Variants in DIDO1 observed in about 807,000 individuals in gnomAD.
DIDO1 encodes the protein death-inducer obliterator 1.
DIDO1 carries 16 observed loss-of-function variants against 99.4 expected under a neutral mutation model. That is an observed-to-expected ratio of 0.16 (90% CI 0.11 to 0.24). DIDO1 has a LOEUF of 0.24. Ranked by LOEUF, DIDO1 falls within the 10% of genes least tolerant of loss-of-function variation. The probability of loss-of-function intolerance (pLI) is 1.00; values close to 1 mark genes in which losing one functional copy is unlikely to be tolerated. For synonymous variants in DIDO1, 1,366 were observed against 1,239.1 expected, an observed-to-expected ratio of 1.10 and a Z score of -2.15; for missense variants, 2,996 against 3,014.0, an observed-to-expected ratio of 0.99 and a Z score of 0.14.
chr20:62,917,838 A>G (rs774582725), intron 1 of DIDO1, among the ~76,000 whole-genome samples: 40 of 152,248 alleles, frequency 2.6e-4, no homozygotes, highest in Non-Finnish European at 5.0e-4. Flanking sequence ...GCAAATGTCA[A>G]ACTCACCAGA....
In DIDO1 at chr20:62,911,405, G is replaced by A. The variant is rs2064937157; in HGVS notation, c.208C>T (p.Arg70Cys). The change falls in exon 3 of 16, where the codon CGC becomes TGC. Residue 70 changes from arginine (R) to cysteine (C), a missense_variant. Around this residue, in one of 5 missense-constraint regions of DIDO1, gnomAD observed 388 missense variants for 376.6 expected, o/e 1.03. Transcript: ENST00000395343. This position sits in a 1 kb window ranked among gnomAD's most constrained non-coding sequence, Gnocchi z 7.0. ...AGGAACTGCTCCACGCGCTCAGTGC[G>A]CTTGGGCTGCCTCCCACTGCGCCGC... ...SLRRSGRQPK[R>C]TERVEQFLTI... 1.2e-6 allele frequency: 2 copies of A among 1,611,410 alleles called. No individual in the cohort carries two copies. Among genetic ancestry groups the A allele is most frequent in the Admixed American group, 1.7e-5 (1 of 59,902 alleles).
rs778922740 is a variant in DIDO1 at position 62,892,940 on chromosome 20, G to C, written c.3124C>G (p.Pro1042Ala). The change falls in exon 13 of 16, where the codon CCA (proline) becomes GCA (alanine). Residue 1042 changes from proline to alanine, a missense_variant. By Grantham distance (27) the Pro-to-Ala change is conservative. Coordinates refer to ENST00000395343, the MANE Select transcript of DIDO1 (RefSeq NM_001193369.2). ...AAAAAGAGGGTCGTGTCTCCCTCTG[G>C]AGGGGAACGTGATTCTGAAGTGCTG... ...NISTSESRSP[P>A]EGDTTLFLSR... The C allele has an allele frequency of 1.9e-5, 31 of 1,613,102 alleles. No individual in the cohort carries two copies. The highest frequency in any genetic ancestry group is 2.5e-5 in the Non-Finnish European group (30 of 1,179,366).
chr20:62,907,412 T>G, intron 4 of DIDO1, 53 bp from the exon 5 acceptor site: 1 of 1,566,382 alleles, frequency 6.4e-7, no homozygotes, highest in Non-Finnish European at 8.7e-7. Context: ...TTTTAAGCAG[T>G]TAAGTGTGTG....
chr20:62,892,979 T>TAA lies in DIDO1; in HGVS notation c.3102-19_3102-18dup. ...TCTGAAGTGCTGTAAAACAAAACCA[T>TAA]AAAAAAAAAGTCAATGTCTCTCTGT... On this transcript the variant is annotated splice_polypyrimidine_tract_variant and intron_variant, in intron 12 of 15. Transcript: ENST00000395343. 1 of 1,563,756 alleles carries TAA rather than the reference T, an allele frequency of 6.4e-7. No individual in the cohort carries two copies. The highest frequency in any genetic ancestry group is 8.7e-7 in the Non-Finnish European group (1 of 1,153,196).
intron 1 of DIDO1, among the ~76,000 whole-genome samples, chr20:62,936,003 C>T (rs759160837): frequency 6.6e-5 from 10 of 152,236 alleles, no homozygotes; most frequent in Admixed American, 5.9e-4. Context: ...GGAGCATTAA[C>T]CTGTGACCCA....
At chr20:62,891,215 A>T (rs557377053) in intron 14 of DIDO1, 60 bp from the exon 15 acceptor site, 5 of 1,606,190 alleles carry the variant, frequency 3.1e-6, no homozygotes, top group Non-Finnish European at 4.3e-6. Context: ...TCACACGCCC[A>T]ATTCACATCC....
chr20:62,910,314 G>C (rs2064901769), intron 3 of DIDO1, among the ~76,000 whole-genome samples: 1 of 152,190 alleles, frequency 6.6e-6, no homozygotes, highest in Non-Finnish European at 1.5e-5. Context: ...CAAGCCAACA[G>C]GCTGCCTATC....
At position 62,883,363 on chromosome 20, in the gene DIDO1, T is replaced by C. The variant is rs574984190; in HGVS notation, c.3542-949A>G. On this transcript the variant is annotated intron_variant, in intron 15 of 15. Coordinates refer to ENST00000395343, the MANE Select transcript of DIDO1 (RefSeq NM_001193369.2). Reference sequence around the variant, plus strand: ...TAGTCTCTGGTGTCAGAATTACAACTAGACAGGAAAAACAGCATTAAATGA... The same window carrying C: ...TAGTCTCTGGTGTCAGAATTACAACCAGACAGGAAAAACAGCATTAAATGA... Among the ~76,000 whole-genome samples the C allele has an allele frequency of 2.0e-5, 3 of 152,310 alleles. No individual in the cohort carries two copies. The East Asian group carries it at 5.8e-4, about 29-fold the overall frequency.
rs766051423 is a variant in DIDO1 at position 62,880,819 on chromosome 20, T to C, written c.5137A>G (p.Ser1713Gly). Residue 1713 changes from serine (S) to glycine (G), a missense_variant, in exon 16 of 16, where the codon AGC (serine) becomes GGC (glycine). Around this residue, in one of 5 missense-constraint regions of DIDO1, gnomAD observed 1,562 missense variants for 1,412.6 expected, o/e 1.11. Transcript: ENST00000395343. The part of the protein sequence containing the change: ...PRNLHSAGRS[S>G]SPAGETEGDR... Reference sequence around the variant, plus strand: ...CCCTCTGTTTCACCTGCAGGGCTGCTGCTCCTTCCAGCAGAATGAAGATTT... The same window carrying C: ...CCCTCTGTTTCACCTGCAGGGCTGCCGCTCCTTCCAGCAGAATGAAGATTT... 1.2e-6 allele frequency: 2 copies of C among 1,612,768 alleles called. No homozygotes were observed. Among genetic ancestry groups the C allele is most frequent in the South Asian group, 1.1e-5 (1 of 91,084 alleles).
In DIDO1 at chr20:62,881,850, T is replaced by G. The variant is rs774713444; in HGVS notation, c.4106A>C (p.Gln1369Pro). ...CTCTAGAGCCTTATCTTTTGAGAAC[T>G]GACCGAACTGCTGGACGATCGGATC... ...LLDPIVQQFG[Q>P]FSKDKALEEE... Residue 1369 changes from glutamine to proline, a missense_variant, in exon 16 of 16, where the codon CAG (glutamine) becomes CCG (proline). Physicochemically the swap from Gln to Pro is moderately conservative, Grantham distance 76. Around this residue, in one of 5 missense-constraint regions of DIDO1, gnomAD observed 1,562 missense variants for 1,412.6 expected, o/e 1.11. Coordinates refer to ENST00000395343, the MANE Select transcript of DIDO1 (RefSeq NM_001193369.2). The surrounding 1 kb of genome is among the most constrained non-coding windows in gnomAD (Gnocchi z 8.3). 1 of 1,613,596 alleles carries G rather than the reference T, an allele frequency of 6.2e-7. No homozygotes were observed. The highest frequency in any genetic ancestry group is 1.3e-5 in the African/African-American group (1 of 75,052).
In DIDO1 at chr20:62,924,856, A is replaced by C. The variant is rs534298730; in HGVS notation, c.-200+1583T>G. On this transcript the variant is annotated intron_variant, in intron 1 of 15. Coordinates refer to ENST00000395343, the MANE Select transcript of DIDO1 (RefSeq NM_001193369.2). The stretch of plus-strand genomic sequence containing the variant: ...ATAGTCTGAATTCAATCAACTACTA[A>C]TAAGGGACAGCCTCTGGTGGAAAGC... Among the ~76,000 whole-genome samples, 14 of 152,314 alleles carry C rather than the reference A, an allele frequency of 9.2e-5. No homozygotes were observed. In the East Asian group the frequency reaches 2.7e-3, roughly 29 times the overall value.
chr20:62,900,251 G>A (rs2064636894), intron 6 of DIDO1, among the ~76,000 whole-genome samples: 1 of 152,222 alleles, frequency 6.6e-6, no homozygotes, highest in African/African-American at 2.4e-5. Flanking sequence ...CCACATTCTG[G>A]GGGCCTGCCC....
intron 1 of DIDO1, among the ~76,000 whole-genome samples, chr20:62,918,933 T>C (rs1387360518): frequency 6.6e-6 from 1 of 152,200 alleles, no homozygotes; most frequent in African/African-American, 2.4e-5. Context: ...AGCTCAGTTT[T>C]CATTAATGCG....
Position 62,881,132 on chromosome 20 carries a change from G to A in DIDO1, c.4824C>T (p.Val1608=), listed in dbSNP as rs759685323. 13 of 1,608,862 alleles carry A rather than the reference G, an allele frequency of 8.1e-6. No individual in the cohort carries two copies. The highest frequency in any genetic ancestry group is 1.1e-5 in the South Asian group (1 of 90,954). The part of the protein sequence containing the change: ...GGLVGQAPMP[V]PEEKEPASSP... ...AAGAGGCTGGCTCTTTTTCCTCCGG[G>A]ACTGGCATGGGCGCCTGGCCCACGA... is the stretch of plus-strand genomic sequence containing the variant. The change falls in exon 16 of 16, where the codon GTC becomes GTT. Residue 1608 remains valine (V), a synonymous_variant. Transcript: ENST00000395343. This position sits in a 1 kb window ranked among gnomAD's most constrained non-coding sequence, Gnocchi z 8.3.
chr20:62,922,076 C>CTATATACACACTA (rs61488481), intron 1 of DIDO1, among the ~76,000 whole-genome samples: 29 of 148,214 alleles, frequency 2.0e-4, no homozygotes, highest in Non-Finnish European at 3.1e-4. Context: ...ACTATATACA[C>CTATATACACACTA]TATATACACA....
chr20:62,912,790 G>A (rs142679798), intron 2 of DIDO1, among the ~76,000 whole-genome samples: 2,209 of 152,314 alleles, frequency 0.015, 58 homozygotes, highest in African/African-American at 0.049. Flanking sequence ...CCAGCACTTC[G>A]GGAGGCCGAG....
At chr20:62,904,574 A>G (rs1459882471) in intron 6 of DIDO1, among the ~76,000 whole-genome samples, 1 of 152,066 alleles carries the variant, frequency 6.6e-6, no homozygotes, top group Non-Finnish European at 1.5e-5. Flanking sequence ...TGAGGCCAGG[A>G]GTTCAAGACC....
chr20:62,927,701 A>G (rs2065278408), upstream of DIDO1, among the ~76,000 whole-genome samples: 1 of 152,270 alleles, frequency 6.6e-6, no homozygotes, highest in Non-Finnish European at 1.5e-5. Flanking sequence ...TGGATGAACC[A>G]GGGGCTTTGA....
upstream of DIDO1, among the ~76,000 whole-genome samples, chr20:62,929,692 A>AAAAAAAAATATATATAT: frequency 3.5e-4 from 22 of 63,708 alleles, 1 homozygote; most frequent in African/African-American, 1.5e-3. Flanking sequence ...AAAAAGAAAA[A>AAAAAAAAATATATATAT]GTGTATATAT....
Sources: allele counts gnomAD v4.1 joint callset (sites outside exome capture counted in the v4.1 genomes callset), GRCh38; gene constraint gnomAD v4.1.1; regional missense constraint gnomAD v4.1.1; non-coding constraint Gnocchi (gnomAD v3.1); transcripts MANE v1.5; gene names NCBI Gene and HGNC (gene_info 2026-07-23, HGNC 2026-07-21).